Variants in ATRN observed in about 807,000 individuals in gnomAD.
ATRN encodes attractin-2.
ATRN carries 54 observed loss-of-function variants against 178.7 expected under a neutral mutation model. The ratio of observed to expected loss-of-function variants is 0.30; its 90% CI spans 0.24 to 0.38. The LOEUF is 0.38. ATRN is among the 10% of genes least tolerant of loss of function. The pLI, the probability that ATRN is intolerant of heterozygous loss-of-function variation, is 1.00. For synonymous variants in ATRN, 636 were observed against 663.0 expected (o/e 0.96, Z 0.63); for missense variants, 1,443 against 1,815.1 (o/e 0.79, Z 3.73).
intron 1 of ATRN, among the ~76,000 whole-genome samples, chr20:3,527,201 C>T (rs191205828): frequency 6.6e-6 from 1 of 152,090 alleles, no homozygotes; most frequent in African/African-American, 2.4e-5. Flanking sequence ...GACTAATACC[C>T]AGAATCTACA....
chr20:3,555,081 G>A (rs1474532159), intron 6 of ATRN, among the ~76,000 whole-genome samples: 3 of 138,214 alleles, frequency 2.2e-5, no homozygotes, highest in East Asian at 2.2e-4. Context: ...GCTCACTGCA[G>A]GCTCCGCCCC....
intron 27 of ATRN, among the ~76,000 whole-genome samples, chr20:3,643,423 T>C (rs2087083892): frequency 6.6e-6 from 1 of 151,882 alleles, no homozygotes; most frequent in Admixed American, 6.6e-5. Flanking sequence ...CCCAGCACTT[T>C]GGGAGGCTGA....
intron 1 of ATRN, among the ~76,000 whole-genome samples, chr20:3,527,742 T>G (rs145494019): frequency 6.6e-6 from 1 of 152,170 alleles, no homozygotes; most frequent in African/African-American, 2.4e-5. Flanking sequence ...TGTGCAGCCA[T>G]AGAAACAAAT....
chr20:3,568,523 T>C (rs934958472), intron 11 of ATRN, among the ~76,000 whole-genome samples: 1 of 151,694 alleles, frequency 6.6e-6, no homozygotes, highest in African/African-American at 2.4e-5. Flanking sequence ...AAAAAAAATA[T>C]ATTTCAGATA....
At chr20:3,540,053 C>G (rs1199578095) in intron 2 of ATRN, among the ~76,000 whole-genome samples, 169 bp from the exon 3 acceptor site, 1 of 152,126 alleles carries the variant, frequency 6.6e-6, no homozygotes, top group East Asian at 1.9e-4. Flanking sequence ...TTAGTAGTCT[C>G]TTGTACTTGG....
rs1406595019 is a variant in ATRN, at chr20:3,549,310, A to G, written c.1084A>G (p.Asn362Asp). ...GTGGGTTGTTGGAGGATATATGTTC[A>G]ACCACTCAGATTATAACATGGTTCT... is the stretch of plus-strand genomic sequence containing the variant. The part of the protein sequence containing the change: ...IMWVVGGYMF[N>D]HSDYNMVLAY... Residue 362 changes from asparagine to aspartate, a missense_variant, in exon 6 of 29, where the codon AAC becomes GAC. Physicochemically the swap from Asn to Asp is conservative, Grantham distance 23 (BLOSUM62 1). This residue lies in a region of ATRN where 862 missense variants were observed against 972.1 expected (regional missense o/e 0.89). Transcript: ENST00000262919. 1 of 1,602,336 alleles carries G rather than the reference A, an allele frequency of 6.2e-7. No individual in the cohort carries two copies. Among genetic ancestry groups the G allele is most frequent in the Non-Finnish European group, 8.5e-7 (1 of 1,176,324 alleles).
At chr20:3,603,546 A>G (rs532747274) in intron 23 of ATRN, among the ~76,000 whole-genome samples, 254 of 151,402 alleles carry the variant, frequency 1.7e-3, no homozygotes, top group Non-Finnish European at 2.9e-3. Context: ...CTGGAGTGCA[A>G]TGGCGCAATC....
In ATRN at chr20:3,612,350, A is replaced by G. The variant is rs541535388; in HGVS notation, c.3801+8088A>G. On this transcript the variant is annotated intron_variant, in intron 24 of 28. Coordinates refer to ENST00000262919, the MANE Select transcript of ATRN (RefSeq NM_139321.3). ...TCTTATATACCTATGCACATATTGA[A>G]TAAGTATCCTGAAGCTTCAAATTTC... 1.1e-3 allele frequency among the ~76,000 whole-genome samples: 173 copies of G among 152,356 alleles called. 1 individual carries two copies. Among genetic ancestry groups the G allele is most frequent in the African/African-American group, 4.1e-3 (170 of 41,584 alleles).
chr20:3,617,535 G>A (rs1159334890), intron 24 of ATRN, among the ~76,000 whole-genome samples: 1 of 152,074 alleles, frequency 6.6e-6, no homozygotes, highest in Admixed American at 6.5e-5. Context: ...AAATGAAAAA[G>A]AAGCTGAGCA....
At chr20:3,580,163 T>C (rs2086263279) in intron 15 of ATRN, among the ~76,000 whole-genome samples, 1 of 152,196 alleles carries the variant, frequency 6.6e-6, no homozygotes, top group Non-Finnish European at 1.5e-5. Flanking sequence ...CATTCCATCC[T>C]TGGCTGGCAG....
intron 2 of ATRN, among the ~76,000 whole-genome samples, chr20:3,537,102 A>C (rs956627507): frequency 2.0e-5 from 3 of 152,228 alleles, no homozygotes; most frequent in Admixed American, 6.5e-5. Context: ...TGATATATTT[A>C]TTCCATTACA....
chr20:3,492,678 C>T (rs1011276400), intron 1 of ATRN, among the ~76,000 whole-genome samples: 1 of 151,806 alleles, frequency 6.6e-6, no homozygotes, highest in Admixed American at 6.6e-5. Context: ...AAACTCATAC[C>T]AACGTTTTGC....
At chr20:3,559,047 TAAATA>T (rs1362695525) in intron 6 of ATRN, among the ~76,000 whole-genome samples, 1 of 152,202 alleles carries the variant, frequency 6.6e-6, no homozygotes, top group Admixed American at 6.5e-5. Flanking sequence ...TTCTCATGAT[TAAATA>T]AAAGAAAAGT....
intron 1 of ATRN, among the ~76,000 whole-genome samples, chr20:3,530,710 C>A (rs2085441868): frequency 6.6e-6 from 1 of 151,966 alleles, no homozygotes; most frequent in Non-Finnish European, 1.5e-5. Context: ...TGGAATAGAT[C>A]TTTTTTTAAT....
chr20:3,634,087 C>T (rs1269156886), intron 25 of ATRN, among the ~76,000 whole-genome samples: 1 of 152,136 alleles, frequency 6.6e-6, no homozygotes, highest in Admixed American at 6.6e-5. Flanking sequence ...CTCTGAATAC[C>T]ACATGGGAAC....
intron 1 of ATRN, among the ~76,000 whole-genome samples, chr20:3,478,089 T>C (rs2084555212): frequency 6.6e-6 from 1 of 152,198 alleles, no homozygotes. Flanking sequence ...CTGTATAAAT[T>C]TGTTTCTTTC....
chr20:3,593,063 C>G (rs2086474024), intron 19 of ATRN, among the ~76,000 whole-genome samples: 1 of 152,164 alleles, frequency 6.6e-6, no homozygotes, highest in South Asian at 2.1e-4. Context: ...TCCCCAAGAT[C>G]AAGTAAACTG....
chr20:3,623,455 G>A (rs2086912509), intron 24 of ATRN, among the ~76,000 whole-genome samples: 1 of 152,028 alleles, frequency 6.6e-6, no homozygotes, highest in South Asian at 2.1e-4. Flanking sequence ...AAGAAAATAG[G>A]GCCATCAAAA....
At position 3,486,773 on chromosome 20, in the gene ATRN, C is replaced by T. The variant is rs185201044; in HGVS notation, c.410+15256C>T. On this transcript the variant is annotated intron_variant, in intron 1 of 28. Transcript: ENST00000262919. The stretch of plus-strand genomic sequence containing the variant: ...TTTCTCTTTTGGTTGATTGTATTAA[C>T]GTAGTATTACTATGATGTGCCCAAA... Among the ~76,000 whole-genome samples, 516 of 152,150 alleles carry T rather than the reference C, an allele frequency of 3.4e-3. 1 individual carries two copies. Among genetic ancestry groups the T allele is most frequent in the African/African-American group, 0.012 (483 of 41,504 alleles).
Sources: gnomAD v4.1 joint callset for allele counts (sites outside exome capture counted in the v4.1 genomes callset) on GRCh38, gnomAD v4.1.1 for gene constraint, gnomAD v4.1.1 regional missense constraint, MANE v1.5 for transcripts, NCBI Gene and HGNC (gene_info 2026-07-23, HGNC 2026-07-21) for gene names.